The following CALD1 variants were observed in gnomAD, a reference collection of about 807,000 sequenced individuals.
CALD1 encodes caldesmon.
Under a neutral mutation model 99.9 loss-of-function variants are expected in CALD1, and 33 were observed. That is an observed-to-expected ratio of 0.33 (90% confidence interval 0.25 to 0.44). The LOEUF is 0.44. Ranked by LOEUF, CALD1 falls within the 20% of genes least tolerant of loss-of-function variation. The pLI, the probability that CALD1 is intolerant of heterozygous loss-of-function variation, is 1.00. For synonymous variants in CALD1, 310 were observed against 325.0 expected (o/e 0.95, Z 0.50); for missense variants, 861 against 962.1 (o/e 0.89, Z 1.39).
At chr7:134,960,274 T>C in intron 12 of CALD1, 163 bp downstream of exon 12, 1 of 836,816 alleles carries the variant, frequency 1.2e-6, no homozygotes, top group Non-Finnish European at 1.9e-6. Flanking sequence ...AGAATGTGTT[T>C]GTGAGGTTGC....
At chr7:134,932,842 G>A (rs111239719) in intron 4 of CALD1, 146 bp from the exon 5 acceptor site, 16,894 of 545,642 alleles carry the variant, frequency 0.031, 377 homozygotes, top group Middle Eastern at 0.054. Context: ...CCAGGCAGGC[G>A]TGTACTAAAA....
chr7:134,819,438 A>G (rs1183561020), intron 1 of CALD1, among the ~76,000 whole-genome samples: 5 of 152,234 alleles, frequency 3.3e-5, no homozygotes, highest in Non-Finnish European at 4.4e-5. Context: ...AGCCTAATAG[A>G]ACTTGGGCCA....
chr7:134,928,796 C>T lies in CALD1; in HGVS notation c.114C>T (p.Ala38=), dbSNP rs769523775. 21 of 1,613,760 alleles carry T rather than the reference C, an allele frequency of 1.3e-5. No homozygotes were observed. Among genetic ancestry groups the T allele is most frequent in the Non-Finnish European group, 1.6e-5 (19 of 1,179,946 alleles). Residue 38 remains alanine, a synonymous_variant, in exon 4 of 15, where the codon GCC becomes GCT. Coordinates refer to ENST00000361675, the MANE Select transcript of CALD1 (RefSeq NM_033138.4). ...QRNDDDEEEA[A]RERRRRARQE... The stretch of plus-strand genomic sequence containing the variant: ...ATGACGATGATGAAGAGGAGGCAGC[C>T]CGGGAACGGCGCCGCCGAGCCCGAC...
Position 134,968,557 on chromosome 7 carries a change from C to A in CALD1, c.*212C>A. ...TAAAAGTACTGCCTTTGCACAGGAG[C>A]CTGTTTCTAAAGAAACCCATGCTGT... On this transcript the variant is annotated 3_prime_UTR_variant, in exon 15 of 15. Coordinates refer to ENST00000361675, the MANE Select transcript of CALD1 (RefSeq NM_033138.4). 1 of 702,848 alleles carries A rather than the reference C, an allele frequency of 1.4e-6. No homozygotes were observed. Among genetic ancestry groups the A allele is most frequent in the Non-Finnish European group, 2.6e-6 (1 of 382,742 alleles). 43.5% of individuals were successfully genotyped at this position (702,848 alleles called of 1,614,324 possible).
At chr7:134,732,676 A>G in the CALD1 span, among the ~76,000 whole-genome samples, 3 of 152,236 alleles carry the variant, frequency 2.0e-5, no homozygotes, top group Non-Finnish European at 4.4e-5. Context: ...GGACCAAGAC[A>G]GGTTCTCTAC....
At chr7:134,721,496 G>A in the CALD1 span, among the ~76,000 whole-genome samples, 3 of 151,956 alleles carry the variant, frequency 2.0e-5, no homozygotes, top group African/African-American at 7.3e-5. Flanking sequence ...AGTTTCTACT[G>A]TTCTACTGCT....
upstream of CALD1, among the ~76,000 whole-genome samples, chr7:134,740,760 C>T (rs989234724): frequency 1.3e-5 from 2 of 152,204 alleles, no homozygotes; most frequent in Non-Finnish European, 1.5e-5. Context: ...TAACCTTTTT[C>T]GTGCTGCACT....
intron 3 of CALD1, among the ~76,000 whole-genome samples, chr7:134,900,739 G>A (rs1174487017): frequency 6.6e-6 from 1 of 152,078 alleles, no homozygotes; most frequent in Non-Finnish European, 1.5e-5. Context: ...AGGTGAAAAT[G>A]AAAGGAACTA....
rs1798883922 is a variant in CALD1, at chr7:134,823,935, C to T, written c.-129-19949C>T. ...CATAAACCAAATATAAAGAACATGC[C>T]ATATGATTTTTTAAATTGCCACAAA... is the stretch of plus-strand genomic sequence containing the variant. On this transcript the variant is annotated intron_variant, in intron 1 of 14. Transcript: ENST00000361675. Among the ~76,000 whole-genome samples, 3 of 152,020 alleles carry T rather than the reference C, an allele frequency of 2.0e-5. No homozygotes were observed. In the South Asian group the frequency reaches 6.2e-4, roughly 32 times the overall value.
At chr7:134,869,952 G>C (rs928441726) in intron 3 of CALD1, among the ~76,000 whole-genome samples, 1 of 152,206 alleles carries the variant, frequency 6.6e-6, no homozygotes, top group Non-Finnish European at 1.5e-5. Context: ...AGTGGACATG[G>C]TGGACATGGA....
At chr7:134,718,470 T>C in the CALD1 span, among the ~76,000 whole-genome samples, 1 of 152,180 alleles carries the variant, frequency 6.6e-6, no homozygotes, top group African/African-American at 2.4e-5. Flanking sequence ...GAGTTTTTAA[T>C]CACTAAACTC....
chr7:134,900,346 T>C (rs1166769772), intron 3 of CALD1, among the ~76,000 whole-genome samples: 1 of 152,096 alleles, frequency 6.6e-6, no homozygotes, highest in African/African-American at 2.4e-5. Context: ...GCGAATTGAA[T>C]TGAAAAAGAC....
intron 6 of CALD1, among the ~76,000 whole-genome samples, chr7:134,936,447 T>C (rs1242053424): frequency 6.6e-6 from 1 of 152,190 alleles, no homozygotes; most frequent in African/African-American, 2.4e-5. Flanking sequence ...ATGCTGTGTT[T>C]GCCCCAAATA....
At chr7:134,833,257 T>C (rs1799303118) in intron 1 of CALD1, among the ~76,000 whole-genome samples, 1 of 152,256 alleles carries the variant, frequency 6.6e-6, no homozygotes, top group South Asian at 2.1e-4. Context: ...GAAGCATTGC[T>C]GTGTTTAAAA....
chr7:134,903,816 C>A (rs1442821269), intron 3 of CALD1, among the ~76,000 whole-genome samples: 1 of 152,078 alleles, frequency 6.6e-6, no homozygotes, highest in Non-Finnish European at 1.5e-5. Flanking sequence ...TTCTAGGGTA[C>A]TGGGAGTTAG....
chr7:134,722,855 A>G, the CALD1 span, among the ~76,000 whole-genome samples: 1 of 152,142 alleles, frequency 6.6e-6, no homozygotes, highest in South Asian at 2.1e-4. Flanking sequence ...TATAGTGGAA[A>G]GGCAAGTCAG....
intron 3 of CALD1, among the ~76,000 whole-genome samples, chr7:134,871,161 T>C (rs1801055957): frequency 1.3e-5 from 2 of 152,224 alleles, no homozygotes; most frequent in Non-Finnish European, 2.9e-5. Context: ...TCGCTTTTGG[T>C]ATTATTGATT....
At chr7:134,811,302 C>T (rs897960985) in intron 1 of CALD1, among the ~76,000 whole-genome samples, 33 of 152,196 alleles carry the variant, frequency 2.2e-4, no homozygotes, top group African/African-American at 7.7e-4. Context: ...TATCCTGCCT[C>T]ACTAGGGAGT....
At chr7:134,924,467 T>C (rs1238078118) in intron 3 of CALD1, among the ~76,000 whole-genome samples, 2 of 152,262 alleles carry the variant, frequency 1.3e-5, no homozygotes, top group Non-Finnish European at 2.9e-5. Flanking sequence ...GAAATGACTG[T>C]TTGCTTTGCT....
Sources: allele counts gnomAD v4.1 joint callset (sites outside exome capture counted in the v4.1 genomes callset), GRCh38; gene constraint gnomAD v4.1.1; transcripts MANE v1.5; gene names NCBI Gene and HGNC (gene_info 2026-07-23, HGNC 2026-07-21).